The following RAP1GAP2 variants were observed in gnomAD, a reference collection of about 807,000 sequenced individuals.
RAP1GAP2 encodes RAP1 GTPase activating protein 2, also known as rap1 GTPase-activating protein 2.
RAP1GAP2 carries 27 observed loss-of-function variants against 95.0 expected under a neutral mutation model. The ratio of observed to expected loss-of-function variants is 0.28; its 90% CI spans 0.21 to 0.39. RAP1GAP2 has a LOEUF of 0.39. Ranked by LOEUF, RAP1GAP2 falls within the 10% of genes least tolerant of loss-of-function variation. The pLI, the probability that RAP1GAP2 is intolerant of heterozygous loss-of-function variation, is 1.00. For missense variants in RAP1GAP2, 771 were observed against 970.0 expected (o/e 0.79, Z 2.72); for synonymous variants, 373 against 380.9 (o/e 0.98, Z 0.24).
At position 2,833,719 on chromosome 17, in the gene RAP1GAP2, G is replaced by A. The variant is rs188211550; in HGVS notation, c.80+33169G>A. ...AAAAAAAAAAAAAAAAAAGAAAAGTGCCACAGTGGACATCCTCATAGTTGA... is the reference window on the plus strand; with the variant it reads ...AAAAAAAAAAAAAAAAAAGAAAAGTACCACAGTGGACATCCTCATAGTTGA... On this transcript the variant is annotated intron_variant, in intron 2 of 24. Coordinates refer to ENST00000254695, the MANE Select transcript of RAP1GAP2 (RefSeq NM_015085.5). Among the ~76,000 whole-genome samples the A allele has an allele frequency of 2.3e-3, 343 of 150,370 alleles. 2 individuals are homozygous for A. The highest frequency in any genetic ancestry group is 7.0e-3 in the African/African-American group (289 of 41,018).
chr17:2,914,771 C>T (rs58370067), intron 3 of RAP1GAP2, among the ~76,000 whole-genome samples: 13,143 of 141,278 alleles, frequency 0.093, 1,203 homozygotes, highest in East Asian at 0.31. Context: ...ATTACAGGTG[C>T]GAGCCACTGT....
rs150877049 is a variant in RAP1GAP2, at chr17:2,949,454, A to G, written c.166-8305A>G. Among the ~76,000 whole-genome samples the G allele has an allele frequency of 2.4e-4, 36 of 150,866 alleles. No individual in the cohort carries two copies. The East Asian group carries it at 5.1e-3, about 21-fold the overall frequency. On this transcript the variant is annotated intron_variant, in intron 3 of 24. Coordinates refer to ENST00000254695, the MANE Select transcript of RAP1GAP2 (RefSeq NM_015085.5). ...TGAGCATTAACCGAGTGCCTGCTCT[A>G]TGCCCTGAGCATTAACTGAGTGCCT...
chr17:3,015,123 C>T (rs536255515), intron 17 of RAP1GAP2, among the ~76,000 whole-genome samples: 5 of 152,180 alleles, frequency 3.3e-5, no homozygotes, highest in Middle Eastern at 3.2e-3. Flanking sequence ...ATGATGCTTG[C>T]GTGACGGGGT....
At chr17:2,826,147 A>ATTTTTTTTTTTTTTTTTTTTTTTT (rs71150901) in intron 2 of RAP1GAP2, among the ~76,000 whole-genome samples, 1 of 108,864 alleles carries the variant, frequency 9.2e-6, no homozygotes, top group Non-Finnish European at 1.7e-5. Context: ...CGCCCAGCAA[A>ATTTTTTTTTTTTTTTTTTTTTTTT]TTTTTTTTTT....
chr17:2,867,346 C>T lies in RAP1GAP2; in HGVS notation c.81-37938C>T, dbSNP rs1389829290. 2.6e-5 allele frequency among the ~76,000 whole-genome samples: 4 copies of T among 152,124 alleles called. No individual in the cohort carries two copies. The highest frequency in any genetic ancestry group is 4.4e-5 in the Non-Finnish European group (3 of 68,018). ...GGGACGGATTCAGGCCTGGCTGGATCGAGAGCTCCAGTGGGGTCTTTGGAC... is the reference window on the plus strand; with the variant it reads ...GGGACGGATTCAGGCCTGGCTGGATTGAGAGCTCCAGTGGGGTCTTTGGAC... On this transcript the variant is annotated intron_variant, in intron 2 of 24. Transcript: ENST00000254695. This position sits in a 1 kb window ranked among gnomAD's most constrained non-coding sequence, Gnocchi z 4.5.
intron 2 of RAP1GAP2, among the ~76,000 whole-genome samples, chr17:2,875,312 C>G (rs1238245464): frequency 1.3e-5 from 2 of 152,158 alleles, no homozygotes; most frequent in Non-Finnish European, 2.9e-5. Context: ...GGTGGTCTGC[C>G]TGCCTCGGCC....
chr17:2,850,215 T>C (rs1021954235), intron 2 of RAP1GAP2, among the ~76,000 whole-genome samples: 2 of 150,694 alleles, frequency 1.3e-5, no homozygotes, highest in African/African-American at 4.9e-5. Context: ...TTAGCCAGGA[T>C]GGTCTCGATC....
At chr17:2,928,582 C>T (rs912397306) in intron 3 of RAP1GAP2, among the ~76,000 whole-genome samples, 1 of 152,166 alleles carries the variant, frequency 6.6e-6, no homozygotes, top group Non-Finnish European at 1.5e-5. Context: ...CTCGTGGTCC[C>T]CCAGGTCAGA....
intron 3 of RAP1GAP2, among the ~76,000 whole-genome samples, chr17:2,908,964 C>G (rs543078963): frequency 6.6e-6 from 1 of 152,138 alleles, no homozygotes; most frequent in Non-Finnish European, 1.5e-5. Context: ...CCTTGACCTC[C>G]CAAAGTGCTG....
intron 3 of RAP1GAP2, among the ~76,000 whole-genome samples, chr17:2,954,437 C>T (rs2044037260): frequency 6.6e-6 from 1 of 151,926 alleles, no homozygotes; most frequent in South Asian, 2.1e-4. Context: ...CGTGTATTTT[C>T]CATTCTCTTG....
intron 3 of RAP1GAP2, among the ~76,000 whole-genome samples, chr17:2,941,088 C>T (rs1316505406): frequency 6.6e-6 from 1 of 152,170 alleles, no homozygotes; most frequent in African/African-American, 2.4e-5. Context: ...GCGAACTGAT[C>T]TCACCTGATT....
At chr17:2,909,969 T>C (rs2042317932) in intron 3 of RAP1GAP2, among the ~76,000 whole-genome samples, 2 of 152,178 alleles carry the variant, frequency 1.3e-5, no homozygotes, top group South Asian at 4.1e-4. Context: ...TAGGAGTCTG[T>C]CTATGGCGAG....
At chr17:2,860,563 T>A (rs2072337056) in intron 2 of RAP1GAP2, among the ~76,000 whole-genome samples, 1 of 149,634 alleles carries the variant, frequency 6.7e-6, no homozygotes, top group Admixed American at 6.7e-5. Flanking sequence ...TGTGGAAAGC[T>A]CTCCATAGAC....
upstream of RAP1GAP2, chr17:2,755,684 G>A (rs1384689819): frequency 3.4e-6 from 1 of 298,010 alleles, no homozygotes; most frequent in Non-Finnish European, 6.2e-6. Context: ...TCCACCGTGC[G>A]GCCCGCGGAG....
At chr17:2,896,592 G>T (rs1239141971) in intron 2 of RAP1GAP2, among the ~76,000 whole-genome samples, 2 of 152,218 alleles carry the variant, frequency 1.3e-5, no homozygotes, top group African/African-American at 4.8e-5. Flanking sequence ...TTTTCCCAGG[G>T]TGAGGATTTG....
chr17:2,974,906 G>A (rs1377828749), intron 8 of RAP1GAP2, among the ~76,000 whole-genome samples: 1 of 152,140 alleles, frequency 6.6e-6, no homozygotes, highest in African/African-American at 2.4e-5. Context: ...AGAAAACACA[G>A]GGAACAGAAA....
chr17:2,925,876 T>C (rs1485794050), intron 3 of RAP1GAP2, among the ~76,000 whole-genome samples: 3 of 152,036 alleles, frequency 2.0e-5, no homozygotes, highest in Non-Finnish European at 4.4e-5. Context: ...CGGTGGCTCA[T>C]GCCTGTAATC....
At chr17:3,014,016 G>A (rs751464465) in intron 17 of RAP1GAP2, among the ~76,000 whole-genome samples, 3 of 152,190 alleles carry the variant, frequency 2.0e-5, no homozygotes, top group Non-Finnish European at 4.4e-5. Flanking sequence ...ACTCAACGAC[G>A]GGAAATACGT....
chr17:2,802,165 G>A (rs1455932706), intron 2 of RAP1GAP2, among the ~76,000 whole-genome samples: 1 of 152,126 alleles, frequency 6.6e-6, no homozygotes. Context: ...CCCCATCTCG[G>A]CAGAAGGTTT....
Sources: gnomAD v4.1 joint callset for allele counts (sites outside exome capture counted in the v4.1 genomes callset) on GRCh38, gnomAD v4.1.1 for gene constraint, Gnocchi (gnomAD v3.1) non-coding constraint, MANE v1.5 for transcripts, NCBI Gene and HGNC (gene_info 2026-07-23, HGNC 2026-07-21) for gene names.